Variants in LARP1 observed in about 807,000 individuals in gnomAD.
LARP1 encodes La ribonucleoprotein 1, translational regulator.
A neutral mutation model predicts 122.7 loss-of-function variants in LARP1; 36 were observed. The observed-to-expected ratio is 0.29, with a 90% CI of 0.22 to 0.39. LARP1 has a LOEUF of 0.39. Among genes scored for constraint, LARP1 ranks in the 10% least tolerant of loss-of-function variants. The pLI, the probability that LARP1 is intolerant of heterozygous loss-of-function variation, is 1.00. For missense variants in LARP1, 1,040 were observed against 1,403.6 expected (o/e 0.74, Z 4.14); for synonymous variants, 539 against 528.7 (o/e 1.02, Z -0.27).
intron 1 of LARP1, among the ~76,000 whole-genome samples, chr5:154,727,709 C>T (rs532898877): frequency 3.1e-4 from 47 of 152,166 alleles, no homozygotes; most frequent in Non-Finnish European, 5.7e-4. Context: ...AATTATTCCA[C>T]AATGTATATA....
chr5:154,791,065 C>T (rs1407271703), intron 3 of LARP1, among the ~76,000 whole-genome samples: 1 of 152,040 alleles, frequency 6.6e-6, no homozygotes, highest in African/African-American at 2.4e-5. Context: ...GATCTGCCTG[C>T]CTCAGCCTCC....
At chr5:154,756,372 G>A (rs374568284) in intron 1 of LARP1, 179 bp downstream of exon 1, 197 of 983,908 alleles carry the variant, frequency 2.0e-4, no homozygotes, top group Middle Eastern at 1.0e-3. Context: ...GTACACTCAG[G>A]GACCTGCCCC....
intron 8 of LARP1, 23 bp from the exon 9 acceptor site, chr5:154,799,568 C>T: frequency 6.2e-7 from 1 of 1,611,888 alleles, no homozygotes; most frequent in Non-Finnish European, 8.5e-7. Context: ...TCTTAATCCC[C>T]TCTTCCTTCT....
rs1209654946 is a variant in LARP1 at position 154,814,355 on chromosome 5, G to A, written c.*259G>A. On this transcript the variant is annotated 3_prime_UTR_variant, in exon 19 of 19. Transcript: ENST00000518297. ...TCTTCTAAGGGGGGAGGGAAAGGGG[G>A]GAGATTTTTATATATATATACATAT... is the stretch of plus-strand genomic sequence containing the variant. 2 of 296,924 alleles carry A rather than the reference G, an allele frequency of 6.7e-6. No homozygotes were observed. Among genetic ancestry groups the A allele is most frequent in the Non-Finnish European group, 1.3e-5 (2 of 159,238 alleles). The allele number at this position is 296,924 out of a possible 1,614,324, so 18.4% of individuals were successfully genotyped here. A position where few individuals can be genotyped will look rare whatever the true frequency, so the allele number is the denominator to read the frequency against.
chr5:154,689,089 T>G (rs543292356), intron 1 of LARP1, among the ~76,000 whole-genome samples: 1 of 151,722 alleles, frequency 6.6e-6, no homozygotes, highest in Non-Finnish European at 1.5e-5. Context: ...GAGGCCGAGG[T>G]GGGTGGATCA....
intron 3 of LARP1, among the ~76,000 whole-genome samples, chr5:154,791,615 TAC>T (rs1199245530): frequency 6.6e-6 from 1 of 152,232 alleles, no homozygotes; most frequent in Non-Finnish European, 1.5e-5. Context: ...GACTGCCAAG[TAC>T]AGTTTTCCTG....
chr5:154,719,867 A>T (rs1221657723), intron 1 of LARP1, among the ~76,000 whole-genome samples: 1 of 151,580 alleles, frequency 6.6e-6, no homozygotes, highest in Non-Finnish European at 1.5e-5. Flanking sequence ...GTCTCAAAAA[A>T]AAAAAAAAAA....
Position 154,802,293 on chromosome 5 carries a change from G to A in LARP1, c.2003G>A (p.Arg668His), listed in dbSNP as rs1457189392. ...GACCGCACAGGCAACCACACCTCGCGTGCCAAGATGAGCGCCGAACTGGCC... is the reference window on the plus strand; with the variant it reads ...GACCGCACAGGCAACCACACCTCGCATGCCAAGATGAGCGCCGAACTGGCC... ...GGDRTGNHTSRAKMSAELAKV... is the reference protein window; with the variant it reads ...GGDRTGNHTSHAKMSAELAKV... The change falls in exon 11 of 19, where the codon CGT becomes CAT. Residue 668 changes from arginine to histidine, a missense_variant. By Grantham distance (29) the Arg-to-His change is conservative. Coordinates refer to ENST00000518297, the MANE Select transcript of LARP1 (RefSeq NM_033551.3). The surrounding 1 kb of genome is among the most constrained non-coding windows in gnomAD (Gnocchi z 5.1). The A allele has an allele frequency of 6.2e-7, 1 of 1,614,162 alleles. No homozygotes were observed. Among genetic ancestry groups the A allele is most frequent in the Non-Finnish European group, 8.5e-7 (1 of 1,180,034 alleles).
intron 8 of LARP1, among the ~76,000 whole-genome samples, chr5:154,795,884 ATT>A (rs1264455278): frequency 1.6e-5 from 2 of 127,896 alleles, no homozygotes; most frequent in East Asian, 4.1e-4. Context: ...TAAAATATAC[ATT>A]TATATATATT....
intron 1 of LARP1, among the ~76,000 whole-genome samples, chr5:154,783,681 G>T (rs1412174466): frequency 6.6e-6 from 1 of 152,108 alleles, no homozygotes; most frequent in Non-Finnish European, 1.5e-5. Flanking sequence ...TGGGACCAAT[G>T]AAAGAAACTA....
At chr5:154,777,377 TG>T (rs954825948) in intron 1 of LARP1, among the ~76,000 whole-genome samples, 1 of 149,072 alleles carries the variant, frequency 6.7e-6, no homozygotes, top group Non-Finnish European at 1.5e-5. Context: ...AAAAATTAGC[TG>T]GGCATGGTGA....
At chr5:154,732,230 T>C (rs1341251663) in intron 1 of LARP1, among the ~76,000 whole-genome samples, 1 of 147,916 alleles carries the variant, frequency 6.8e-6, no homozygotes, top group Non-Finnish European at 1.5e-5. Flanking sequence ...GTGCAAACCA[T>C]ATAATTTACC....
intron 1 of LARP1, among the ~76,000 whole-genome samples, chr5:154,784,240 A>C (rs998043106): frequency 6.6e-6 from 1 of 152,218 alleles, no homozygotes; most frequent in Admixed American, 6.5e-5. Context: ...CTGCTGTGAA[A>C]GCAGCCCTGT....
intron 1 of LARP1, among the ~76,000 whole-genome samples, chr5:154,733,077 G>T (rs570114294): frequency 3.3e-5 from 5 of 152,202 alleles, no homozygotes; most frequent in African/African-American, 4.8e-5. Flanking sequence ...CATTGGCTCC[G>T]TCTGGACCCA....
At chr5:154,772,104 A>G (rs1755483825) in intron 1 of LARP1, among the ~76,000 whole-genome samples, 1 of 152,254 alleles carries the variant, frequency 6.6e-6, no homozygotes, top group African/African-American at 2.4e-5. Flanking sequence ...AAATACACAT[A>G]TAAATATAAT....
chr5:154,786,206 A>G (rs1756868083), intron 1 of LARP1, among the ~76,000 whole-genome samples: 1 of 151,872 alleles, frequency 6.6e-6, no homozygotes. Context: ...CACCCGGCTA[A>G]TTTTTTGTAT....
chr5:154,777,587 C>G (rs548562978), intron 1 of LARP1, among the ~76,000 whole-genome samples: 16 of 152,138 alleles, frequency 1.1e-4, no homozygotes, highest in Middle Eastern at 6.8e-3. Context: ...TCTTCATACC[C>G]CCTGCTTCAC....
chr5:154,734,680 A>C (rs1300976671), intron 1 of LARP1, among the ~76,000 whole-genome samples: 3 of 152,176 alleles, frequency 2.0e-5, no homozygotes, highest in Non-Finnish European at 4.4e-5. Flanking sequence ...TTTTCTGGTA[A>C]GAGATACATA....
chr5:154,799,803 A>G (rs779071183), intron 9 of LARP1, 44 bp downstream of exon 9: 5 of 1,611,334 alleles, frequency 3.1e-6, no homozygotes, highest in East Asian at 2.2e-5. Flanking sequence ...CCTCTGGGCA[A>G]CAGTCCTCCT....
Sources: allele counts gnomAD v4.1 joint callset (sites outside exome capture counted in the v4.1 genomes callset), GRCh38; gene constraint gnomAD v4.1.1; non-coding constraint Gnocchi (gnomAD v3.1); transcripts MANE v1.5; gene names NCBI Gene and HGNC (gene_info 2026-07-23, HGNC 2026-07-21).